Variants in ZNF577 observed in about 807,000 individuals in gnomAD.
ZNF577 encodes the protein zinc finger protein 577.
Under a neutral mutation model 13.9 loss-of-function variants are expected in ZNF577, and 14 were observed. That is an observed-to-expected ratio of 1.00 (90% CI 0.66 to 1.57). The LOEUF (loss-of-function observed/expected upper bound fraction) is 1.57, where lower values mean the gene tolerates loss of function less well. ZNF577 is among the 40% of genes most tolerant of loss of function. The pLI is 0.00. For synonymous variants in ZNF577, 203 were observed against 202.9 expected (o/e 1.00, Z 0.00); for missense variants, 555 against 579.2 (o/e 0.96, Z 0.43).
chr19:51,863,650 A>G (rs1019083722), downstream of ZNF577, among the ~76,000 whole-genome samples: 1 of 152,234 alleles, frequency 6.6e-6, no homozygotes, highest in African/African-American at 2.4e-5. Flanking sequence ...AATTTTGTGT[A>G]TCATTTTGGA....
intron 8 of ZNF577, among the ~76,000 whole-genome samples, chr19:51,841,864 T>A (rs2084322814): frequency 2.0e-5 from 3 of 152,150 alleles, no homozygotes; most frequent in South Asian, 4.1e-4. Flanking sequence ...AATCATAAGC[T>A]TGCCACATTA....
At chr19:51,874,882 A>G (rs2084730986) in intron 5 of ZNF577, among the ~76,000 whole-genome samples, 1 of 152,104 alleles carries the variant, frequency 6.6e-6, no homozygotes, top group Non-Finnish European at 1.5e-5. Flanking sequence ...CTTAGAACAC[A>G]TGTTCCCAGC....
chr19:51,854,099 C>T (rs2084394652), intron 5 of ZNF577, among the ~76,000 whole-genome samples: 1 of 151,878 alleles, frequency 6.6e-6, no homozygotes, highest in African/African-American at 2.4e-5. Context: ...TTGAGAAAAA[C>T]TACCAGTGAC....
At chr19:51,807,829 T>C (rs529305610) in intron 10 of ZNF577, among the ~76,000 whole-genome samples, 3 of 152,226 alleles carry the variant, frequency 2.0e-5, no homozygotes, top group Non-Finnish European at 4.4e-5. Flanking sequence ...AAAGGAACAA[T>C]AATTTTGTCA....
In ZNF577 at chr19:51,880,736, C is replaced by G. The variant is rs1215405441; in HGVS notation, c.-77G>C. 5 of 254,574 alleles carry G rather than the reference C, an allele frequency of 2.0e-5. No homozygotes were observed. The highest frequency in any genetic ancestry group is 3.8e-5 in the Non-Finnish European group (5 of 130,720). The allele number at this position is 254,574 out of a possible 1,614,324, so 15.8% of individuals were successfully genotyped here. ...GGCTAGCAACTCTAGTATGTTCTCT[C>G]TCTTCTGTCTATTCTGGGCCTTCCC... On this transcript the variant is annotated 5_prime_UTR_variant, in exon 2 of 6. Coordinates refer to ENST00000638348, the MANE Select transcript of ZNF577 (RefSeq NM_001370449.1).
rs1458548385 is a variant in ZNF577, at chr19:51,868,702, C to T, written c.*3830G>A. Among the ~76,000 whole-genome samples the T allele has an allele frequency of 6.6e-6, 1 of 152,110 alleles. No homozygotes were observed. Among genetic ancestry groups the T allele is most frequent in the Non-Finnish European group, 1.5e-5 (1 of 68,034 alleles). On this transcript the variant is annotated 3_prime_UTR_variant, in exon 6 of 6. Coordinates refer to ENST00000638348, the MANE Select transcript of ZNF577 (RefSeq NM_001370449.1). ...CTTGAACACCCAGATAGAATTCACT[C>T]ATGTGTGTGGGGGAAAGAAAGATAG...
downstream of ZNF577, chr19:51,862,980 G>A (rs562259397): frequency 5.9e-5 from 9 of 152,186 alleles, no homozygotes; most frequent in Non-Finnish European, 5.9e-5. Flanking sequence ...CACATTTGCT[G>A]CATGTACAGA....
intron 10 of ZNF577, among the ~76,000 whole-genome samples, chr19:51,809,808 T>G (rs1343217673): frequency 7.2e-5 from 11 of 152,158 alleles, no homozygotes; most frequent in African/African-American, 2.7e-4. Context: ...AATCCTGCAC[T>G]CCTTGTGTTC....
chr19:51,856,558 A>C (rs1017690624), intron 5 of ZNF577, among the ~76,000 whole-genome samples: 3 of 152,222 alleles, frequency 2.0e-5, no homozygotes, highest in Non-Finnish European at 2.9e-5. Flanking sequence ...TGTCATACAA[A>C]TCCTTTAATT....
At chr19:51,861,764 T>C (rs557450740) in intron 5 of ZNF577, 6 of 152,632 alleles carry the variant, frequency 3.9e-5, no homozygotes, top group African/African-American at 9.6e-5. Context: ...AATGAGAGTT[T>C]ACAAAGTAGC....
chr19:51,865,771 C>G (rs993821857), downstream of ZNF577, among the ~76,000 whole-genome samples: 7 of 152,146 alleles, frequency 4.6e-5, no homozygotes, highest in African/African-American at 1.7e-4. Flanking sequence ...GGTTCTCACT[C>G]ACCTGAAATG....
At chr19:51,886,558 T>G (rs560867532) in intron 1 of ZNF577, 1 of 151,826 alleles carries the variant, frequency 6.6e-6, no homozygotes, top group African/African-American at 2.4e-5. Context: ...AATTGGGAAA[T>G]AGAGCAACAC....
intron 9 of ZNF577, among the ~76,000 whole-genome samples, chr19:51,817,520 T>TC (rs1020705369): frequency 2.7e-5 from 4 of 149,502 alleles, no homozygotes; most frequent in African/African-American, 9.7e-5. Flanking sequence ...TGTTTTGTTT[T>TC]TTTTTTTAAA....
chr19:51,883,899 C>A (rs1056238913), intron 1 of ZNF577, among the ~76,000 whole-genome samples: 3 of 151,980 alleles, frequency 2.0e-5, no homozygotes, highest in African/African-American at 7.3e-5. Flanking sequence ...AGGAAGAAAC[C>A]CCATCTCTAC....
intron 5 of ZNF577, among the ~76,000 whole-genome samples, chr19:51,849,186 AG>A (rs2084368424): frequency 1.3e-5 from 2 of 152,304 alleles, no homozygotes; most frequent in East Asian, 1.9e-4. Flanking sequence ...TCTCCAATGG[AG>A]AAAGGGTAAG....
At position 51,873,236 on chromosome 19, in the gene ZNF577, T is replaced by C; in HGVS notation, c.754A>G (p.Ser252Gly). The stretch of plus-strand genomic sequence containing the variant: ...TGTCTATTGAGCCGGCACTTCCGGC[T>C]GAAGGCTTTTCCGCATTTGCTGCAT... The part of the protein sequence containing the change: ...YRCSKCGKAF[S>G]RKCRLNRHQR... Residue 252 changes from serine to glycine, a missense_variant, in exon 6 of 6, where the codon AGC (serine) becomes GGC (glycine). Transcript: ENST00000638348. The C allele has an allele frequency of 6.2e-7, 1 of 1,613,916 alleles. No individual in the cohort carries two copies. Among genetic ancestry groups the C allele is most frequent in the Non-Finnish European group, 8.5e-7 (1 of 1,179,820 alleles).
In ZNF577 at chr19:51,870,339, ATTTC is replaced by A. The variant is rs1235566164; in HGVS notation, c.*2189_*2192del. On this transcript the variant is annotated 3_prime_UTR_variant, in exon 6 of 6. Coordinates refer to ENST00000638348, the MANE Select transcript of ZNF577 (RefSeq NM_001370449.1). ...ATTACTGACTGGTAGATTGCTTTCTATTTCTTTATTAGTCTCTGTTTGGAAAATT... is the reference window on the plus strand; with the variant it reads ...ATTACTGACTGGTAGATTGCTTTCTATTTATTAGTCTCTGTTTGGAAAATT... Among the ~76,000 whole-genome samples, 2 of 152,108 alleles carry A rather than the reference ATTTC, an allele frequency of 1.3e-5. No homozygotes were observed. Among genetic ancestry groups the A allele is most frequent in the African/African-American group, 2.4e-5 (1 of 41,484 alleles).
Position 51,880,765 on chromosome 19 carries a change from A to T in ZNF577, c.-106T>A, listed in dbSNP as rs2084849531. Reference sequence around the variant, plus strand: ...TCTGTCTATTCTGGGCCTTCCCAGAAGTGGTGGTCAGGTATCATCTCAGGT... The same window carrying T: ...TCTGTCTATTCTGGGCCTTCCCAGATGTGGTGGTCAGGTATCATCTCAGGT... On this transcript the variant is annotated 5_prime_UTR_variant, in exon 2 of 6. Transcript: ENST00000638348. The T allele has an allele frequency of 5.3e-6, 1 of 189,176 alleles. No individual in the cohort carries two copies. Among genetic ancestry groups the T allele is most frequent in the Non-Finnish European group, 1.1e-5 (1 of 90,924 alleles). 11.7% of individuals were successfully genotyped at this position (189,176 alleles called of 1,614,324 possible).
intron 5 of ZNF577, among the ~76,000 whole-genome samples, chr19:51,875,137 G>A (rs1045064739): frequency 6.6e-6 from 1 of 152,016 alleles, no homozygotes; most frequent in African/African-American, 2.4e-5. Context: ...GGGAGGTCGA[G>A]GTGGATGGGA....
Sources: gnomAD v4.1 joint callset for allele counts (sites outside exome capture counted in the v4.1 genomes callset) on GRCh38, gnomAD v4.1.1 for gene constraint, MANE v1.5 for transcripts, NCBI Gene and HGNC (gene_info 2026-07-23, HGNC 2026-07-21) for gene names.